IARS1: variants seen among roughly 807,000 people sequenced by gnomAD.
IARS1 encodes the protein isoleucine--tRNA ligase, cytoplasmic.
In IARS1, 124 loss-of-function variants were observed where a neutral mutation model predicts 168.2. That is an observed-to-expected ratio of 0.74 (90% CI 0.64 to 0.86). The LOEUF (loss-of-function observed/expected upper bound fraction) is 0.86, where lower values mean the gene tolerates loss of function less well. Ranked by LOEUF, IARS1 falls within the 40% of genes least tolerant of loss-of-function variation. The pLI is 0.00. For synonymous variants in IARS1, 532 were observed against 529.4 expected, an observed-to-expected ratio of 1.00 and a Z score of -0.07; for missense variants, 1,452 against 1,515.8, an observed-to-expected ratio of 0.96 and a Z score of 0.70.
chr9:92,286,194 C>G, intron 5 of IARS1: 1 of 281,490 alleles, frequency 3.6e-6, no homozygotes, highest in African/African-American at 2.2e-5. Context: ...AGGTGAAACC[C>G]CATCTCTACT....
At chr9:92,244,429 G>A (rs1828890664) in intron 27 of IARS1, among the ~76,000 whole-genome samples, 1 of 152,104 alleles carries the variant, frequency 6.6e-6, no homozygotes, top group Non-Finnish European at 1.5e-5. Flanking sequence ...ACCCACATGC[G>A]AGATCTTACA....
intron 33 of IARS1, among the ~76,000 whole-genome samples, chr9:92,218,149 T>C (rs1299525335): frequency 2.0e-5 from 3 of 151,660 alleles, no homozygotes; most frequent in African/African-American, 4.8e-5. Flanking sequence ...TAATCCAGCA[T>C]ATAAACAGAG....
At position 92,271,477 on chromosome 9, in the gene IARS1, T is replaced by C. The variant is rs891827181; in HGVS notation, c.1113+56A>G. 43 of 1,591,376 alleles carry C rather than the reference T, an allele frequency of 2.7e-5. No homozygotes were observed. The African/African-American group carries it at 4.0e-4, about 15-fold the overall frequency. Reference sequence around the variant, plus strand: ...AGAATTACAATACAATTATAAATGATGGTAGAGACTAATCAGAAGTAACAG... The same window carrying C: ...AGAATTACAATACAATTATAAATGACGGTAGAGACTAATCAGAAGTAACAG... On this transcript the variant is annotated intron_variant, in intron 11 of 33. Transcript: ENST00000443024.
At position 92,273,640 on chromosome 9, in the gene IARS1, C is replaced by G. The variant is rs569978209; in HGVS notation, c.990+786G>C. 8.5e-5 allele frequency among the ~76,000 whole-genome samples: 13 copies of G among 152,332 alleles called. 1 individual carries two copies. The highest frequency in any genetic ancestry group is 3.1e-4 in the African/African-American group (13 of 41,576). ...GGTTACACTAAAAGCCCAGATTTTA[C>G]TACTATACAACATATCAATGTAAAA... On this transcript the variant is annotated intron_variant, in intron 10 of 33. Transcript: ENST00000443024.
intron 16 of IARS1, among the ~76,000 whole-genome samples, chr9:92,264,191 TG>T (rs774073322): frequency 2.6e-4 from 39 of 151,854 alleles, no homozygotes; most frequent in Non-Finnish European, 1.9e-4. Flanking sequence ...AAAAATTAGC[TG>T]GGCATGGTGG....
chr9:92,243,664 T>A (rs1587772203), intron 27 of IARS1, among the ~76,000 whole-genome samples: 1 of 152,248 alleles, frequency 6.6e-6, no homozygotes, highest in Admixed American at 6.5e-5. Context: ...TCAATAATCA[T>A]GAAGCCCTTG....
At chr9:92,271,099 A>T in intron 11 of IARS1, 23 bp from the exon 12 acceptor site, 7 of 1,526,014 alleles carry the variant, frequency 4.6e-6, no homozygotes, top group Non-Finnish European at 6.3e-6. Context: ...ATTAAAATTT[A>T]GCCATTAAAA....
rs375043919 is a variant in IARS1, at chr9:92,229,054, G to C, written c.3356C>G (p.Thr1119Ser). Residue 1119 changes from threonine (T) to serine (S), a missense_variant, in exon 31 of 34, where the codon ACT (threonine) becomes AGT (serine). By Grantham distance (58) the Thr-to-Ser change is moderately conservative. Transcript: ENST00000443024. Reference sequence around the variant, plus strand: ...TGTATTTTTCACACCAAAAATGCTAGTGACAACACTCTTCAGCTTTAAAAG... The same window carrying C: ...TGTATTTTTCACACCAAAAATGCTACTGACAACACTCTTCAGCTTTAAAAG... Reference protein sequence around the residue: ...LDLLKLKSVVTSIFGVKNTEL... With the variant: ...LDLLKLKSVVSSIFGVKNTEL... 1 of 1,613,882 alleles carries C rather than the reference G, an allele frequency of 6.2e-7. No homozygotes were observed. Among genetic ancestry groups the C allele is most frequent in the African/African-American group, 1.3e-5 (1 of 74,862 alleles).
intron 6 of IARS1, 45 bp from the exon 7 acceptor site, chr9:92,280,938 A>C (rs758608688): frequency 8.5e-6 from 12 of 1,411,626 alleles, no homozygotes; most frequent in Admixed American, 1.9e-5. Flanking sequence ...ATCCACAATA[A>C]CAGACACCTA....
chr9:92,240,935 T>G lies in IARS1; in HGVS notation c.3204A>C (p.Thr1068=), dbSNP rs1384587217. 3.7e-6 allele frequency: 6 copies of G among 1,612,544 alleles called. No individual in the cohort carries two copies. The East Asian group carries it at 1.3e-4, about 36-fold the overall frequency. ...CAGGAAGGGAAGATCCTCTGGTGAG[T>G]GTAATTTCCAGTTCAGATCCCTTCA... The part of the protein sequence containing the change: ...TQLKGSELEI[T]LTRGSSLPGP... The change falls in exon 30 of 34, where the codon ACA becomes ACC. Residue 1068 remains threonine, a synonymous_variant. Transcript: ENST00000443024.
Position 92,242,633 on chromosome 9 carries a change from G to A in IARS1, c.3001-303C>T, listed in dbSNP as rs1476993019. On this transcript the variant is annotated intron_variant, in intron 28 of 33. Coordinates refer to ENST00000443024, the MANE Select transcript of IARS1 (RefSeq NM_002161.6). ...ACTTACAAAGCTCTGAACTGATTCAGAGGTCACAAGCACCCACTCATCTGC... is the reference window on the plus strand; with the variant it reads ...ACTTACAAAGCTCTGAACTGATTCAAAGGTCACAAGCACCCACTCATCTGC... The A allele has an allele frequency of 1.0e-5, 3 of 289,740 alleles. No individual in the cohort carries two copies. The East Asian group carries it at 2.2e-4, about 21-fold the overall frequency. The allele number at this position is 289,740 out of a possible 1,614,324, so 17.9% of individuals were successfully genotyped here.
chr9:92,221,047 G>A (rs1262301852), intron 33 of IARS1, among the ~76,000 whole-genome samples: 2 of 151,974 alleles, frequency 1.3e-5, no homozygotes, highest in Non-Finnish European at 2.9e-5. Flanking sequence ...GTACACCTAG[G>A]GAAATCATAA....
intron 17 of IARS1, 36 bp from the exon 18 acceptor site, chr9:92,260,270 T>G: frequency 8.2e-7 from 1 of 1,225,610 alleles, no homozygotes; most frequent in Non-Finnish European, 1.2e-6. Context: ...ATTAAGTAAG[T>G]CAATATCACA....
intron 6 of IARS1, among the ~76,000 whole-genome samples, chr9:92,285,325 A>T (rs10820965): frequency 0.4 from 60,624 of 152,000 alleles, 14,131 homozygotes; most frequent in African/African-American, 0.64. Context: ...TCTCAAATTA[A>T]TTTTTTTCCA....
chr9:92,272,046 G>GCA (rs1478425235), intron 10 of IARS1, among the ~76,000 whole-genome samples: 4 of 152,296 alleles, frequency 2.6e-5, no homozygotes, highest in African/African-American at 9.6e-5. Flanking sequence ...TATAACAGCA[G>GCA]CACACACATC....
chr9:92,241,257 T>A (rs183000917), intron 29 of IARS1, among the ~76,000 whole-genome samples: 3 of 152,262 alleles, frequency 2.0e-5, no homozygotes, highest in Non-Finnish European at 2.9e-5. Flanking sequence ...TAAACAGCCA[T>A]CATCAGCCCC....
chr9:92,265,611 G>T, intron 14 of IARS1, 58 bp from the exon 15 acceptor site: 2 of 1,283,102 alleles, frequency 1.6e-6, no homozygotes, highest in Non-Finnish European at 1.1e-6. Flanking sequence ...AGCATACTGA[G>T]TTAATTTATA....
intron 2 of IARS1, among the ~76,000 whole-genome samples, chr9:92,288,542 T>G (rs1052478887): frequency 2.0e-5 from 3 of 152,234 alleles, no homozygotes; most frequent in African/African-American, 7.2e-5. Context: ...TTATTTATCC[T>G]GATCTTGAGT....
At chr9:92,223,573 T>C (rs912530696) in intron 31 of IARS1, 84 bp from the exon 32 acceptor site, 15 of 1,130,928 alleles carry the variant, frequency 1.3e-5, no homozygotes, top group East Asian at 1.2e-4. Context: ...TTAACTATCA[T>C]GTATCTTTTT....
Sources: gnomAD v4.1 joint callset for allele counts (sites outside exome capture counted in the v4.1 genomes callset) on GRCh38, gnomAD v4.1.1 for gene constraint, MANE v1.5 for transcripts, NCBI Gene and HGNC (gene_info 2026-07-23, HGNC 2026-07-21) for gene names.